The following ZC3HAV1 variants were observed in gnomAD, a reference collection of about 807,000 sequenced individuals.
The protein encoded by ZC3HAV1 is zinc finger CCCH-type antiviral protein 1.
Under a neutral mutation model 86.6 loss-of-function variants are expected in ZC3HAV1, and 41 were observed. The observed-to-expected ratio is 0.47, with a 90% CI of 0.37 to 0.61. The LOEUF is 0.61. Ranked by LOEUF, ZC3HAV1 falls within the 20% of genes least tolerant of loss-of-function variation. The pLI, the probability that ZC3HAV1 is intolerant of heterozygous loss-of-function variation, is 0.00. For synonymous variants in ZC3HAV1, 421 were observed against 432.1 expected (o/e 0.97, Z 0.32); for missense variants, 964 against 1,141.1 (o/e 0.84, Z 2.24).
At chr7:139,088,546 A>G (rs1378786368) in intron 2 of ZC3HAV1, among the ~76,000 whole-genome samples, 1 of 152,168 alleles carries the variant, frequency 6.6e-6, no homozygotes, top group Non-Finnish European at 1.5e-5. Flanking sequence ...GACGGAAGCC[A>G]CATTTTGAAG....
chr7:139,066,608 T>C (rs549780937), intron 7 of ZC3HAV1, among the ~76,000 whole-genome samples: 2 of 152,288 alleles, frequency 1.3e-5, no homozygotes, highest in Admixed American at 6.5e-5. Context: ...TTGTGGATAG[T>C]ATCTATCAGA....
chr7:139,107,947 C>T (rs914423335), intron 1 of ZC3HAV1, among the ~76,000 whole-genome samples: 1 of 152,188 alleles, frequency 6.6e-6, no homozygotes, highest in African/African-American at 2.4e-5. Flanking sequence ...GGCGTTCATT[C>T]AGTTCATTCA....
intron 12 of ZC3HAV1, among the ~76,000 whole-genome samples, 194 bp from the exon 13 acceptor site, chr7:139,048,047 A>G (rs1243250794): frequency 2.0e-5 from 3 of 152,206 alleles, no homozygotes; most frequent in African/African-American, 4.8e-5. Flanking sequence ...ATATAACCCT[A>G]TAGAAATGAC....
chr7:139,087,162 T>C (rs1584864226), intron 2 of ZC3HAV1, among the ~76,000 whole-genome samples: 1 of 152,170 alleles, frequency 6.6e-6, no homozygotes, highest in African/African-American at 2.4e-5. Context: ...TCAAGTGCCA[T>C]GACAAGACTG....
At chr7:139,092,876 T>C (rs901339824) in intron 1 of ZC3HAV1, among the ~76,000 whole-genome samples, 6 of 152,214 alleles carry the variant, frequency 3.9e-5, no homozygotes, top group African/African-American at 1.4e-4. Context: ...CTCTGTCTCG[T>C]CTTGGTCTGA....
intron 1 of ZC3HAV1, among the ~76,000 whole-genome samples, chr7:139,107,752 G>C (rs1817977238): frequency 6.6e-6 from 1 of 152,184 alleles, no homozygotes; most frequent in Non-Finnish European, 1.5e-5. Flanking sequence ...GCAGTGAACC[G>C]AGGTGGAGCC....
chr7:139,047,788 C>T lies in ZC3HAV1; in HGVS notation c.2515G>A (p.Val839Ile), dbSNP rs371159477. ...ACCAGAACTTGGGCTACAAACATAA[C>T]GACGTTTTTGGCATCATACGGGCAA... ...KNCPYDAKNV[V>I]MFVAQVLVGK... Residue 839 changes from valine to isoleucine, a missense_variant, in exon 13 of 13, where the codon GTT (valine) becomes ATT (isoleucine). Transcript: ENST00000242351. 23 of 1,613,858 alleles carry T rather than the reference C, an allele frequency of 1.4e-5. No homozygotes were observed. Among genetic ancestry groups the T allele is most frequent in the African/African-American group, 5.3e-5 (4 of 74,870 alleles).
At chr7:139,086,350 C>T (rs976952195) in intron 2 of ZC3HAV1, among the ~76,000 whole-genome samples, 2 of 152,146 alleles carry the variant, frequency 1.3e-5, no homozygotes, top group Admixed American at 1.3e-4. Context: ...TGGAAAACAG[C>T]AATTAAATTA....
At position 139,046,046 on chromosome 7, in the gene ZC3HAV1, A is replaced by G. The variant is rs1293980652; in HGVS notation, c.*1548T>C. The G allele has an allele frequency of 6.6e-6, 1 of 151,872 alleles. No individual in the cohort carries two copies. Among genetic ancestry groups the G allele is most frequent in the Admixed American group, 6.6e-5 (1 of 15,208 alleles). The allele number at this position is 151,872 out of a possible 1,614,324, so 9.4% of individuals were successfully genotyped here. On this transcript the variant is annotated 3_prime_UTR_variant, in exon 13 of 13. Coordinates refer to ENST00000242351, the MANE Select transcript of ZC3HAV1 (RefSeq NM_020119.4). ...AAATCTGACTTATAACTTGTCTGCT[A>G]AAAGAAATTATAACAGGAAACTTTG... is the stretch of plus-strand genomic sequence containing the variant.
chr7:139,109,415 G>A lies in ZC3HAV1; in HGVS notation c.-84C>T. On this transcript the variant is annotated 5_prime_UTR_variant, in exon 1 of 13. Coordinates refer to ENST00000242351, the MANE Select transcript of ZC3HAV1 (RefSeq NM_020119.4). ...AATCGAAACTTACAAGTGTCCAGGGGCGGGCGCGGGCGGTGCTACTGCTGG... is the reference window on the plus strand; with the variant it reads ...AATCGAAACTTACAAGTGTCCAGGGACGGGCGCGGGCGGTGCTACTGCTGG... The A allele has an allele frequency of 3.5e-6, 5 of 1,428,754 alleles. No individual in the cohort carries two copies. The highest frequency in any genetic ancestry group is 1.5e-5 in the South Asian group (1 of 67,588). The allele number at this position is 1,428,754 out of a possible 1,614,324, so 88.5% of individuals were successfully genotyped here. A position where few individuals can be genotyped will look rare whatever the true frequency, so the allele number is the denominator to read the frequency against.
At chr7:139,089,514 G>T in intron 2 of ZC3HAV1, 110 bp downstream of exon 2, 1 of 1,365,042 alleles carries the variant, frequency 7.3e-7, no homozygotes, top group Non-Finnish European at 9.8e-7. Flanking sequence ...ACTACCACCT[G>T]CAGAACCCTG....
In ZC3HAV1 at chr7:139,109,211, G is replaced by A; in HGVS notation, c.121C>T (p.Leu41=). ...AAGCGGTCGGGCCCGGCCACCTGCA[G>A]CACCTCACAGAGCTGCGGCTCAGAC... The part of the protein sequence containing the change: ...ALSEPQLCEV[L]QVAGPDRFVV... Residue 41 remains leucine, a synonymous_variant, in exon 1 of 13, where the codon CTG becomes TTG. Coordinates refer to ENST00000242351, the MANE Select transcript of ZC3HAV1 (RefSeq NM_020119.4). The A allele has an allele frequency of 1.9e-6, 3 of 1,609,618 alleles. No homozygotes were observed. The highest frequency in any genetic ancestry group is 2.5e-6 in the Non-Finnish European group (3 of 1,178,198).
intron 9 of ZC3HAV1, among the ~76,000 whole-genome samples, chr7:139,057,532 A>ATTTTTTTTTT (rs765288792): frequency 1.8e-5 from 1 of 56,908 alleles, no homozygotes; most frequent in Non-Finnish European, 3.2e-5. Context: ...AAACAATTAC[A>ATTTTTTTTTT]TTTTTTTTTT....
intron 12 of ZC3HAV1, among the ~76,000 whole-genome samples, chr7:139,051,060 TTTTTTTC>T (rs1816107166): frequency 6.6e-6 from 1 of 151,878 alleles, no homozygotes; most frequent in South Asian, 2.1e-4. Flanking sequence ...GACCTGTTCC[TTTTTTTC>T]TTTTTTCTTT....
chr7:139,053,312 G>T, intron 12 of ZC3HAV1, 139 bp downstream of exon 12: 1 of 1,015,750 alleles, frequency 9.8e-7, no homozygotes, highest in Non-Finnish European at 1.3e-6. Context: ...ATATTACCGT[G>T]AGCTTACTGT....
intron 1 of ZC3HAV1, among the ~76,000 whole-genome samples, chr7:139,099,859 G>A (rs10259161): frequency 0.25 from 37,925 of 151,686 alleles, 4,988 homozygotes; most frequent in East Asian, 0.42. Context: ...CCCAGGAGGC[G>A]GAGGTTGCAG....
At chr7:139,088,031 C>CAAAA (rs10544425) in intron 2 of ZC3HAV1, among the ~76,000 whole-genome samples, 3 of 57,874 alleles carry the variant, frequency 5.2e-5, no homozygotes, top group African/African-American at 1.2e-4. Context: ...GATCCTGTCT[C>CAAAA]AAAAAAAAAA....
intron 9 of ZC3HAV1, among the ~76,000 whole-genome samples, chr7:139,056,309 C>T (rs979888650): frequency 7.2e-5 from 11 of 151,962 alleles, no homozygotes; most frequent in Admixed American, 1.3e-4. Flanking sequence ...AGCCAGCATG[C>T]CAGGTTAATT....
At chr7:139,086,309 TC>T (rs1256781076) in intron 2 of ZC3HAV1, among the ~76,000 whole-genome samples, 1 of 152,140 alleles carries the variant, frequency 6.6e-6, no homozygotes, top group Non-Finnish European at 1.5e-5. Flanking sequence ...AATAATGCAG[TC>T]CCCCATTCTG....
Sources: allele counts gnomAD v4.1 joint callset (sites outside exome capture counted in the v4.1 genomes callset), GRCh38; gene constraint gnomAD v4.1.1; transcripts MANE v1.5; gene names NCBI Gene and HGNC (gene_info 2026-07-23, HGNC 2026-07-21).